Variants in RCAN1 observed in about 807,000 individuals in gnomAD.
RCAN1 encodes regulator of calcineurin 1.
Under a neutral mutation model 22.9 loss-of-function variants are expected in RCAN1, and 11 were observed. The observed-to-expected ratio is 0.48, with a 90% confidence interval of 0.30 to 0.79. The LOEUF (loss-of-function observed/expected upper bound fraction) is 0.79, where lower values mean the gene tolerates loss of function less well. RCAN1 is among the 30% of genes least tolerant of loss of function. The probability of loss-of-function intolerance (pLI) is 0.06; values close to 1 mark genes in which losing one functional copy is unlikely to be tolerated. For missense variants in RCAN1, 291 were observed against 337.8 expected (o/e 0.86, Z 1.09); for synonymous variants, 136 against 142.3 (o/e 0.96, Z 0.32).
At chr21:34,521,859 T>C in intron 2 of RCAN1, 2 of 561,960 alleles carry the variant, frequency 3.6e-6, no homozygotes, top group East Asian at 2.9e-5. Flanking sequence ...ACAGATAGGA[T>C]GACAGCCCCC....
rs761872731 is a variant in RCAN1, at chr21:34,526,647, A to G, written c.253-2937T>C. 4.4e-6 allele frequency: 7 copies of G among 1,608,374 alleles called. No individual in the cohort carries two copies. The African/African-American group carries it at 9.4e-5, about 22-fold the overall frequency. On this transcript the variant is annotated intron_variant, in intron 1 of 3. Coordinates refer to ENST00000313806, the MANE Select transcript of RCAN1 (RefSeq NM_004414.7). The stretch of plus-strand genomic sequence containing the variant: ...TTTGAAAACTAAAGAAAATCACGTT[A>G]TATTAGAAGCCTTACCCTGGTTTCA...
At chr21:34,531,095 G>T (rs184800368) in intron 1 of RCAN1, among the ~76,000 whole-genome samples, 2 of 152,284 alleles carry the variant, frequency 1.3e-5, no homozygotes, top group East Asian at 3.9e-4. Context: ...CTTTTAAGAG[G>T]GATTAATATC....
At chr21:34,560,101 T>G (rs1450712972) in intron 1 of RCAN1, 2 of 152,206 alleles carry the variant, frequency 1.3e-5, no homozygotes, top group African/African-American at 4.8e-5. Context: ...ATCTAAGAAG[T>G]CAGGTTCTTG....
chr21:34,567,398 C>G (rs1987063974), intron 1 of RCAN1, among the ~76,000 whole-genome samples: 2 of 151,928 alleles, frequency 1.3e-5, no homozygotes, highest in African/African-American at 2.4e-5. Context: ...TCGGGAGACT[C>G]TGGAATGTAC....
In RCAN1 at chr21:34,601,593, C is replaced by T. The variant is rs553678566; in HGVS notation, c.252+13167G>A. 2.6e-3 allele frequency among the ~76,000 whole-genome samples: 392 copies of T among 152,110 alleles called. 1 individual carries two copies. The highest frequency in any genetic ancestry group is 4.1e-3 in the Non-Finnish European group (277 of 67,974). Reference sequence around the variant, plus strand: ...CAGCACTTTGGGAGGCCAAGGTGGGCGGATCACGAGGTCAGGAGATCGAGA... The same window carrying T: ...CAGCACTTTGGGAGGCCAAGGTGGGTGGATCACGAGGTCAGGAGATCGAGA... On this transcript the variant is annotated intron_variant, in intron 1 of 3. Transcript: ENST00000313806.
chr21:34,519,397 C>CTT lies in RCAN1; in HGVS notation c.587-1143_587-1142dup, dbSNP rs34152667. Among the ~76,000 whole-genome samples the CTT allele has an allele frequency of 7.0e-3, 715 of 102,740 alleles. 24 individuals are homozygous for CTT. The highest frequency in any genetic ancestry group is 0.061 in the South Asian group (173 of 2,828). The allele number at this position is 102,740 out of a possible 152,430, so 67.4% of individuals were successfully genotyped here. A position where few individuals can be genotyped will look rare whatever the true frequency, so the allele number is the denominator to read the frequency against. ...CTTTTTTCTTTTTCTTTCTTTCTTTCTTTTTTTTTTTTTTTTTTTTGAGAC... is the reference window on the plus strand; with the variant it reads ...CTTTTTTCTTTTTCTTTCTTTCTTTCTTTTTTTTTTTTTTTTTTTTTTGAGAC... On this transcript the variant is annotated intron_variant, in intron 3 of 3. Coordinates refer to ENST00000313806, the MANE Select transcript of RCAN1 (RefSeq NM_004414.7).
intron 1 of RCAN1, among the ~76,000 whole-genome samples, chr21:34,548,882 T>G (rs779393547): frequency 1.9e-4 from 29 of 152,210 alleles, no homozygotes; most frequent in Non-Finnish European, 3.5e-4. Context: ...CCAGAATATA[T>G]AGCAATTAGA....
intron 1 of RCAN1, among the ~76,000 whole-genome samples, chr21:34,534,075 T>C (rs1176434829): frequency 2.0e-5 from 3 of 152,208 alleles, no homozygotes; most frequent in African/African-American, 7.2e-5. Context: ...AAGGTTAGCA[T>C]GGTCTGTTAT....
At chr21:34,609,269 C>T (rs1988622212) in intron 1 of RCAN1, among the ~76,000 whole-genome samples, 1 of 152,166 alleles carries the variant, frequency 6.6e-6, no homozygotes. Context: ...CATTCTTATG[C>T]TTTGATGGTG....
chr21:34,588,033 C>T (rs957217674), intron 1 of RCAN1, among the ~76,000 whole-genome samples: 1 of 152,168 alleles, frequency 6.6e-6, no homozygotes, highest in African/African-American at 2.4e-5. Context: ...GCCTGTCAAC[C>T]CACCCTGGAG....
chr21:34,612,990 T>C (rs1035176541), intron 1 of RCAN1, among the ~76,000 whole-genome samples: 1 of 152,242 alleles, frequency 6.6e-6, no homozygotes, highest in Admixed American at 6.5e-5. Flanking sequence ...ACTTGCCTTT[T>C]TCCTATTGTC....
intron 1 of RCAN1, among the ~76,000 whole-genome samples, chr21:34,539,229 C>T (rs900760124): frequency 9.9e-5 from 15 of 152,092 alleles, no homozygotes; most frequent in African/African-American, 2.7e-4. Flanking sequence ...TCCTGCAAGG[C>T]AAATAAAATA....
chr21:34,546,337 G>T (rs905688293), intron 1 of RCAN1, among the ~76,000 whole-genome samples: 1 of 151,014 alleles, frequency 6.6e-6, no homozygotes, highest in African/African-American at 2.4e-5. Flanking sequence ...GACTTTACAG[G>T]TATATAGTCT....
chr21:34,595,179 T>C (rs1988105586), intron 1 of RCAN1, among the ~76,000 whole-genome samples: 1 of 152,202 alleles, frequency 6.6e-6, no homozygotes, highest in Non-Finnish European at 1.5e-5. Context: ...ACAAATGCAC[T>C]AAGAGCATTT....
At chr21:34,530,299 T>C (rs1985309278) in intron 1 of RCAN1, among the ~76,000 whole-genome samples, 1 of 152,254 alleles carries the variant, frequency 6.6e-6, no homozygotes, top group African/African-American at 2.4e-5. Flanking sequence ...CTCCAAACAG[T>C]TTCCATTAGG....
chr21:34,599,708 A>G (rs911915072), intron 1 of RCAN1, among the ~76,000 whole-genome samples: 1 of 152,218 alleles, frequency 6.6e-6, no homozygotes, highest in African/African-American at 2.4e-5. Context: ...TGGGATACCA[A>G]CTATTACTTT....
At chr21:34,577,529 G>T (rs1409522454) in intron 1 of RCAN1, among the ~76,000 whole-genome samples, 1 of 152,140 alleles carries the variant, frequency 6.6e-6, no homozygotes. Context: ...AGTCCAGGTG[G>T]TAGAGGCTAC....
intron 1 of RCAN1, among the ~76,000 whole-genome samples, chr21:34,569,882 G>A (rs1259928753): frequency 2.6e-5 from 4 of 152,186 alleles, no homozygotes; most frequent in African/African-American, 9.7e-5. Context: ...TTCCTTCCCG[G>A]ATCCAGTCTT....
chr21:34,518,642 G>A lies in RCAN1; in HGVS notation c.587-386C>T, dbSNP rs1048054773. Among the ~76,000 whole-genome samples the A allele has an allele frequency of 3.3e-5, 5 of 152,226 alleles. No individual in the cohort carries two copies. The highest frequency in any genetic ancestry group is 7.3e-5 in the Non-Finnish European group (5 of 68,032). ...TCAGGAAAAAGATGGATGAAGAAAC[G>A]TATTTGGAAACAGAACCCTGGGCCT... On this transcript the variant is annotated intron_variant, in intron 3 of 3. Coordinates refer to ENST00000313806, the MANE Select transcript of RCAN1 (RefSeq NM_004414.7). The surrounding 1 kb of genome is among the most constrained non-coding windows in gnomAD (Gnocchi z 4.2).
Sources: allele counts gnomAD v4.1 joint callset (sites outside exome capture counted in the v4.1 genomes callset), GRCh38; gene constraint gnomAD v4.1.1; non-coding constraint Gnocchi (gnomAD v3.1); transcripts MANE v1.5; gene names NCBI Gene and HGNC (gene_info 2026-07-23, HGNC 2026-07-21).